Variants in SH3RF3 observed in about 807,000 individuals in gnomAD.
SH3RF3 encodes SH3 domain containing ring finger 3, also known as E3 ubiquitin-protein ligase SH3RF3.
A neutral mutation model predicts 66.3 loss-of-function variants in SH3RF3; 29 were observed. That is an observed-to-expected ratio of 0.44 (90% confidence interval 0.33 to 0.60). The LOEUF is 0.60. Among genes scored for constraint, SH3RF3 ranks in the 20% least tolerant of loss-of-function variants. The probability of loss-of-function intolerance (pLI) is 0.04; values close to 1 mark genes in which losing one functional copy is unlikely to be tolerated. For synonymous variants in SH3RF3, 583 were observed against 532.0 expected, an observed-to-expected ratio of 1.10 and a Z score of -1.32; for missense variants, 1,194 against 1,190.9, an observed-to-expected ratio of 1.00 and a Z score of -0.04.
chr2:109,221,177 A>G (rs957288269), intron 1 of SH3RF3, among the ~76,000 whole-genome samples: 2 of 152,230 alleles, frequency 1.3e-5, no homozygotes, highest in South Asian at 2.1e-4. Context: ...GGAACCATGG[A>G]CCTGGAATAA....
At chr2:109,303,328 G>A (rs1284894942) in intron 1 of SH3RF3, among the ~76,000 whole-genome samples, 2 of 152,234 alleles carry the variant, frequency 1.3e-5, no homozygotes, top group South Asian at 2.1e-4. Context: ...CCTCTGGCAG[G>A]GTTAAGACAA....
chr2:109,215,311 T>C (rs1679081798), intron 1 of SH3RF3, among the ~76,000 whole-genome samples: 1 of 152,214 alleles, frequency 6.6e-6, no homozygotes, highest in African/African-American at 2.4e-5. Context: ...GTCTTCATTA[T>C]ACAATTGTTT....
In SH3RF3 at chr2:109,437,268, G is replaced by A. The variant is rs1248751814; in HGVS notation, c.1828+122G>A. On this transcript the variant is annotated intron_variant, in intron 7 of 9. Coordinates refer to ENST00000309415, the MANE Select transcript of SH3RF3 (RefSeq NM_001099289.3). ...ATGTGTGGCTGGTGGCAGCTTCATGGCAGCTGGAGAAACTTAAGGAAAACC... is the reference window on the plus strand; with the variant it reads ...ATGTGTGGCTGGTGGCAGCTTCATGACAGCTGGAGAAACTTAAGGAAAACC... 4 of 1,408,878 alleles carry A rather than the reference G, an allele frequency of 2.8e-6. No individual in the cohort carries two copies. In the East Asian group the frequency reaches 7.5e-5, roughly 27 times the overall value. The allele number at this position is 1,408,878 out of a possible 1,614,324, so 87.3% of individuals were successfully genotyped here.
At chr2:109,406,381 G>A (rs557563976) in intron 4 of SH3RF3, among the ~76,000 whole-genome samples, 1 of 152,246 alleles carries the variant, frequency 6.6e-6, no homozygotes, top group South Asian at 2.1e-4. Context: ...CCCTAAATGG[G>A]CAGTCAGCTC....
chr2:109,403,001 T>G (rs1573223806), intron 4 of SH3RF3, among the ~76,000 whole-genome samples: 1 of 151,454 alleles, frequency 6.6e-6, no homozygotes, highest in Non-Finnish European at 1.5e-5. Flanking sequence ...ACAGTCAGGG[T>G]GGGTGGGGGG....
At chr2:109,417,836 G>A (rs554357850) in intron 4 of SH3RF3, among the ~76,000 whole-genome samples, 92 of 152,292 alleles carry the variant, frequency 6.0e-4, no homozygotes, top group African/African-American at 1.7e-3. Context: ...ACTCAGGGAG[G>A]GGCAGGTAGG....
At chr2:109,478,240 C>T (rs1477899546) in intron 8 of SH3RF3, among the ~76,000 whole-genome samples, 3 of 152,210 alleles carry the variant, frequency 2.0e-5, no homozygotes, top group African/African-American at 7.2e-5. Context: ...TTTTTCATTC[C>T]TTCTCTCTCT....
At chr2:109,368,568 ACTTG>A (rs1196778308) in intron 2 of SH3RF3, among the ~76,000 whole-genome samples, 4 of 151,904 alleles carry the variant, frequency 2.6e-5, no homozygotes, top group Non-Finnish European at 4.4e-5. Flanking sequence ...TCTAATATTC[ACTTG>A]CTTCTAATTT....
At chr2:109,325,163 T>A (rs1248413438) in intron 1 of SH3RF3, among the ~76,000 whole-genome samples, 1 of 152,064 alleles carries the variant, frequency 6.6e-6, no homozygotes, top group African/African-American at 2.4e-5. Flanking sequence ...CGGAAACAAC[T>A]CACTGGTCTT....
intron 1 of SH3RF3, among the ~76,000 whole-genome samples, chr2:109,171,973 C>T (rs1327930932): frequency 5.9e-5 from 9 of 152,254 alleles, no homozygotes; most frequent in Non-Finnish European, 1.3e-4. Context: ...TTATTTTCAG[C>T]GTGATTCTCA....
chr2:109,243,779 A>AG (rs1282375682), intron 1 of SH3RF3, among the ~76,000 whole-genome samples: 1 of 152,316 alleles, frequency 6.6e-6, no homozygotes, highest in East Asian at 1.9e-4. Flanking sequence ...AATCCAGGAA[A>AG]GGAGTTTGGG....
chr2:109,337,378 C>G (rs1682446345), intron 1 of SH3RF3, among the ~76,000 whole-genome samples: 1 of 152,252 alleles, frequency 6.6e-6, no homozygotes, highest in Non-Finnish European at 1.5e-5. Flanking sequence ...TGTAACTTCT[C>G]TGCATCCAAG....
At chr2:109,405,441 C>T (rs1219019187) in intron 4 of SH3RF3, among the ~76,000 whole-genome samples, 3 of 152,184 alleles carry the variant, frequency 2.0e-5, no homozygotes, top group African/African-American at 4.8e-5. Context: ...TTGGTTGCCT[C>T]TCCAGCTCCC....
At chr2:109,384,133 T>TCC (rs1675762716) in intron 3 of SH3RF3, among the ~76,000 whole-genome samples, 2 of 152,148 alleles carry the variant, frequency 1.3e-5, no homozygotes, top group African/African-American at 4.8e-5. Flanking sequence ...GGCAGTGCCC[T>TCC]CCCCACAGTT....
In SH3RF3 at chr2:109,449,288, C is replaced by T. The variant is rs370938946; in HGVS notation, c.1947C>T (p.Ser649=). ...GCCTCAGGCCCCACTCGGTGGTGTC[C>T]CCGCAGCACAGCCACCAGCCCCCGG... ...ATSLRPHSVV[S]PQHSHQPPVQ... The change falls in exon 8 of 10, where the codon TCC becomes TCT. Residue 649 remains serine (S), a synonymous_variant. Transcript: ENST00000309415. The T allele has an allele frequency of 6.7e-4, 1,082 of 1,609,478 alleles. 1 individual carries two copies. Among genetic ancestry groups the T allele is most frequent in the Non-Finnish European group, 8.5e-4 (998 of 1,177,968 alleles).
intron 1 of SH3RF3, among the ~76,000 whole-genome samples, chr2:109,199,607 T>TCAACTC (rs1558953948): frequency 3.6e-3 from 1 of 276 alleles, no homozygotes. Context: ...TGGAATGGAA[T>TCAACTC]GGAATGGAAT....
intron 8 of SH3RF3, among the ~76,000 whole-genome samples, chr2:109,486,782 C>T (rs1678991391): frequency 6.6e-6 from 1 of 152,166 alleles, no homozygotes; most frequent in Non-Finnish European, 1.5e-5. Context: ...GGAGGGCCTT[C>T]CAGAAGAGAG....
intron 1 of SH3RF3, among the ~76,000 whole-genome samples, chr2:109,343,604 C>G (rs1246489819): frequency 1.3e-5 from 2 of 152,174 alleles, no homozygotes; most frequent in Non-Finnish European, 2.9e-5. Flanking sequence ...CTTGCTTGCT[C>G]CGAGAATCAT....
At chr2:109,164,731 A>C in intron 1 of SH3RF3, among the ~76,000 whole-genome samples, 1 of 152,212 alleles carries the variant, frequency 6.6e-6, no homozygotes, top group Non-Finnish European at 1.5e-5. Flanking sequence ...CCAATGTGAT[A>C]TCACCTGGCT....
Sources: allele counts gnomAD v4.1 joint callset (sites outside exome capture counted in the v4.1 genomes callset), GRCh38; gene constraint gnomAD v4.1.1; transcripts MANE v1.5; gene names NCBI Gene and HGNC (gene_info 2026-07-23, HGNC 2026-07-21).